The following PREX2 variants were observed in gnomAD, a reference collection of about 807,000 sequenced individuals.
The protein encoded by PREX2 is phosphatidylinositol 3,4,5-trisphosphate-dependent Rac exchanger 2 protein.
Under a neutral mutation model 203.2 loss-of-function variants are expected in PREX2, and 107 were observed. That is an observed-to-expected ratio of 0.53 (90% CI 0.45 to 0.62). The LOEUF is 0.62. Among genes scored for constraint, PREX2 ranks in the 20% least tolerant of loss-of-function variants. The pLI is 0.00. For missense variants in PREX2, 1,777 were observed against 1,955.9 expected, an observed-to-expected ratio of 0.91 and a Z score of 1.72; for synonymous variants, 672 against 663.6, an observed-to-expected ratio of 1.01 and a Z score of -0.19.
Position 68,134,240 on chromosome 8 carries a change from T to A in PREX2, c.3948T>A (p.Val1316=). ...TGGACCAGATAGCGAATGCAGGTGTTCTTTTTCACTTTCAGTCACTTCTGT... is the reference window on the plus strand; with the variant it reads ...TGGACCAGATAGCGAATGCAGGTGTACTTTTTCACTTTCAGTCACTTCTGT... ...RWLDQIANAG[V]LFHFQSLLSP... Residue 1316 remains valine, a synonymous_variant, in exon 32 of 40, where the codon GTT becomes GTA. Transcript: ENST00000288368. 6.2e-7 allele frequency: 1 copy of A among 1,614,116 alleles called. No individual in the cohort carries two copies.
intron 35 of PREX2, among the ~76,000 whole-genome samples, chr8:68,182,926 A>G (rs1368033664): frequency 6.6e-6 from 1 of 151,344 alleles, no homozygotes; most frequent in Non-Finnish European, 1.5e-5. Context: ...TGCCAAGCAG[A>G]AGGAGGTGAG....
intron 31 of PREX2, among the ~76,000 whole-genome samples, chr8:68,129,771 C>T (rs559941532): frequency 2.6e-5 from 4 of 151,728 alleles, no homozygotes; most frequent in Admixed American, 6.6e-5. Context: ...GAAATGAAAC[C>T]GAAGCCTTTG....
chr8:68,186,601 C>A (rs1812195112), intron 35 of PREX2, among the ~76,000 whole-genome samples: 2 of 152,084 alleles, frequency 1.3e-5, no homozygotes. Flanking sequence ...GCAACCTCTG[C>A]CTCCTGGGTT....
chr8:68,091,793 T>C (rs1195435090), intron 20 of PREX2, among the ~76,000 whole-genome samples: 1 of 152,170 alleles, frequency 6.6e-6, no homozygotes, highest in Non-Finnish European at 1.5e-5. Context: ...TCGATTTGAG[T>C]TTCATTTCTT....
rs960670624 is a variant in PREX2, at chr8:68,105,710, T to C, written c.2716-2399T>C. 12 of 204,414 alleles carry C rather than the reference T, an allele frequency of 5.9e-5. No homozygotes were observed. In the Admixed American group the frequency reaches 7.7e-4, roughly 13 times the overall value. The allele number at this position is 204,414 out of a possible 1,614,324, so 12.7% of individuals were successfully genotyped here. A position where few individuals can be genotyped will look rare whatever the true frequency, so the allele number is the denominator to read the frequency against. ...ATATATATATATATATGGATATATA[T>C]ACACATATATATACACACACATATA... On this transcript the variant is annotated intron_variant, in intron 23 of 39. Coordinates refer to ENST00000288368, the MANE Select transcript of PREX2 (RefSeq NM_024870.4).
chr8:68,215,943 T>C (rs1432108026), intron 37 of PREX2, among the ~76,000 whole-genome samples: 1 of 152,218 alleles, frequency 6.6e-6, no homozygotes, highest in Admixed American at 6.5e-5. Context: ...TGCATTGTTA[T>C]CGGACTCACA....
intron 21 of PREX2, among the ~76,000 whole-genome samples, chr8:68,094,672 A>C (rs527998898): frequency 3.7e-4 from 56 of 152,202 alleles, no homozygotes; most frequent in Non-Finnish European, 6.8e-4. Context: ...ATAATTCCCT[A>C]TTCTGAGGTG....
At chr8:67,971,264 G>A (rs1476810303) in intron 1 of PREX2, among the ~76,000 whole-genome samples, 1 of 152,158 alleles carries the variant, frequency 6.6e-6, no homozygotes, top group Non-Finnish European at 1.5e-5. Flanking sequence ...TGGCTCTGTT[G>A]GGCACAGGTG....
chr8:68,116,153 C>T lies in PREX2; in HGVS notation c.3326+221C>T, dbSNP rs80097997. On this transcript the variant is annotated intron_variant, in intron 26 of 39. Transcript: ENST00000288368. ...GAGTAGCTTGGAAAAAGCATTTTTT[C>T]GCTGGTTGTGTGAGCCTAATTTGGG... is the stretch of plus-strand genomic sequence containing the variant. 1.2e-4 allele frequency among the ~76,000 whole-genome samples: 18 copies of T among 152,108 alleles called. No individual in the cohort carries two copies. In the East Asian group the frequency reaches 2.9e-3, roughly 24 times the overall value.
chr8:68,178,814 T>C (rs1384265370), intron 35 of PREX2, among the ~76,000 whole-genome samples: 1 of 152,124 alleles, frequency 6.6e-6, no homozygotes, highest in African/African-American at 2.4e-5. Flanking sequence ...ATGCTTACAG[T>C]AAGGAAGGAA....
intron 1 of PREX2, among the ~76,000 whole-genome samples, chr8:67,966,467 T>A (rs1343567748): frequency 1.3e-5 from 2 of 151,808 alleles, no homozygotes; most frequent in African/African-American, 2.4e-5. Flanking sequence ...CTAAAAAATC[T>A]GTAAAAGAGA....
Position 68,080,572 on chromosome 8 carries a change from C to T in PREX2, c.1772C>T (p.Ala591Val). ...TTAAAAGTTGTGGAAAATGTTATAG[C>T]TAAGTCATTATTGGTAAGTTTATTG... is the stretch of plus-strand genomic sequence containing the variant. ...HDLKVVENVIAKSLLIKSNEG... is the reference protein window; with the variant it reads ...HDLKVVENVIVKSLLIKSNEG... Residue 591 changes from alanine (A) to valine (V), a missense_variant, in exon 16 of 40, where the codon GCT becomes GTT. By Grantham distance (64) the Ala-to-Val change is moderately conservative. Coordinates refer to ENST00000288368, the MANE Select transcript of PREX2 (RefSeq NM_024870.4). 6.2e-7 allele frequency: 1 copy of T among 1,602,650 alleles called. No individual in the cohort carries two copies. Among genetic ancestry groups the T allele is most frequent in the African/African-American group, 1.3e-5 (1 of 74,542 alleles).
At chr8:68,143,238 A>G (rs747469725) in intron 33 of PREX2, among the ~76,000 whole-genome samples, 1 of 151,414 alleles carries the variant, frequency 6.6e-6, no homozygotes, top group African/African-American at 2.4e-5. Context: ...ATGGGGGTGG[A>G]TTTCTCATGA....
chr8:67,977,468 AT>A (rs201392076), intron 1 of PREX2, among the ~76,000 whole-genome samples: 1 of 151,992 alleles, frequency 6.6e-6, no homozygotes, highest in Non-Finnish European at 1.5e-5. Context: ...TGATATTGTG[AT>A]TTTTTTTCTT....
At chr8:68,129,461 G>C (rs928056056) in intron 31 of PREX2, among the ~76,000 whole-genome samples, 1 of 151,870 alleles carries the variant, frequency 6.6e-6, no homozygotes, top group African/African-American at 2.4e-5. Flanking sequence ...TTATATTTTT[G>C]GCTGCGAAAT....
At chr8:68,121,135 A>G in intron 30 of PREX2, 86 bp downstream of exon 30, 2 of 1,374,932 alleles carry the variant, frequency 1.5e-6, no homozygotes, top group East Asian at 2.3e-5. Context: ...GTAATGCCTG[A>G]TTATTTTTTG....
At chr8:67,963,669 A>G (rs537637069) in intron 1 of PREX2, among the ~76,000 whole-genome samples, 15 of 149,880 alleles carry the variant, frequency 1.0e-4, no homozygotes, top group South Asian at 2.1e-4. Context: ...AAAGAATAGT[A>G]TTTTTTTTTT....
chr8:68,061,343 G>A (rs1298185505), intron 11 of PREX2, among the ~76,000 whole-genome samples: 2 of 152,202 alleles, frequency 1.3e-5, no homozygotes, highest in Non-Finnish European at 2.9e-5. Context: ...GTGGCATGTG[G>A]GCTTATTCCG....
At chr8:68,072,987 CT>C (rs1414361913) in intron 14 of PREX2, among the ~76,000 whole-genome samples, 1 of 151,796 alleles carries the variant, frequency 6.6e-6, no homozygotes, top group Non-Finnish European at 1.5e-5. Flanking sequence ...TGATAATGAG[CT>C]TTAATGTCTG....
Sources: gnomAD v4.1 joint callset for allele counts (sites outside exome capture counted in the v4.1 genomes callset) on GRCh38, gnomAD v4.1.1 for gene constraint, MANE v1.5 for transcripts, NCBI Gene and HGNC (gene_info 2026-07-23, HGNC 2026-07-21) for gene names.